The following RAB24 variants were observed in gnomAD, a reference collection of about 807,000 sequenced individuals.
RAB24 encodes the protein ras-related protein Rab-24.
A neutral mutation model predicts 31.4 loss-of-function variants in RAB24; 9 were observed. That is an observed-to-expected ratio of 0.29 (90% CI 0.17 to 0.50). RAB24 has a LOEUF of 0.50. Ranked by LOEUF, RAB24 falls within the 20% of genes least tolerant of loss-of-function variation. RAB24 has a pLI of 0.98. For synonymous variants in RAB24, 106 were observed against 94.1 expected (o/e 1.13, Z -0.73); for missense variants, 197 against 265.2 (o/e 0.74, Z 1.79).
Position 177,302,746 on chromosome 5 carries a change from C to CGGG in RAB24, c.265+5_265+6insCCC. Reference sequence around the variant, plus strand: ...GTGAGACAGCCCAAACCCCCCCCCCCCTTACCATAGCAGACGATGGCAGCC... The same window carrying CGGG: ...GTGAGACAGCCCAAACCCCCCCCCCCGGGCTTACCATAGCAGACGATGGCAGCC... On this transcript the variant is annotated splice_donor_region_variant and intron_variant, in intron 3 of 7. Transcript: ENST00000303251. 1 of 1,558,654 alleles carries CGGG rather than the reference C, an allele frequency of 6.4e-7. No homozygotes were observed. Among genetic ancestry groups the CGGG allele is most frequent in the Non-Finnish European group, 8.8e-7 (1 of 1,136,012 alleles).
Position 177,303,414 on chromosome 5 carries a change from TC to T in RAB24, c.-127del. 2.4e-6 allele frequency: 2 copies of T among 827,760 alleles called. No individual in the cohort carries two copies. Among genetic ancestry groups the T allele is most frequent in the Non-Finnish European group, 3.9e-6 (2 of 516,102 alleles). The allele number at this position is 827,760 out of a possible 1,614,324, so 51.3% of individuals were successfully genotyped here. A position where few individuals can be genotyped will look rare whatever the true frequency, so the allele number is the denominator to read the frequency against. Reference sequence around the variant, plus strand: ...ACCCCAAACGGCGCCAACCTACGACTCCAGACAGCGCGTCGGGCTCGAGCTC... The same window carrying T: ...ACCCCAAACGGCGCCAACCTACGACTCAGACAGCGCGTCGGGCTCGAGCTC... On this transcript the variant is annotated 5_prime_UTR_variant, in exon 1 of 8. Transcript: ENST00000303251. The surrounding 1 kb of genome is among the most constrained non-coding windows in gnomAD (Gnocchi z 6.1).
chr5:177,303,659 G>T lies in RAB24; in HGVS notation c.-371C>A. On this transcript the variant is annotated 5_prime_UTR_variant, in exon 1 of 8. Transcript: ENST00000303251. The surrounding 1 kb of genome is among the most constrained non-coding windows in gnomAD (Gnocchi z 6.1). ...TGGCTGGGAATCCCAACCGAACCTG[G>T]GGTCTCCCGCAACCCGGCTCCTACC... is the stretch of plus-strand genomic sequence containing the variant. 1 of 388,746 alleles carries T rather than the reference G, an allele frequency of 2.6e-6. No homozygotes were observed. The highest frequency in any genetic ancestry group is 4.6e-6 in the Non-Finnish European group (1 of 216,934). 24.1% of individuals were successfully genotyped at this position (388,746 alleles called of 1,614,324 possible). A position where few individuals can be genotyped will look rare whatever the true frequency, so the allele number is the denominator to read the frequency against.
In RAB24 at chr5:177,303,333, G is replaced by C. The variant is rs763946134; in HGVS notation, c.-45C>G. 6.3e-7 allele frequency: 1 copy of C among 1,587,588 alleles called. No homozygotes were observed. Among genetic ancestry groups the C allele is most frequent in the Non-Finnish European group, 8.6e-7 (1 of 1,158,006 alleles). ...CCACGTCAGGGTCCTGAGCGGGGACGGGAGGCAAACCCCGATCTCCGCTCG... is the reference window on the plus strand; with the variant it reads ...CCACGTCAGGGTCCTGAGCGGGGACCGGAGGCAAACCCCGATCTCCGCTCG... On this transcript the variant is annotated 5_prime_UTR_variant, in exon 1 of 8. Transcript: ENST00000303251. The surrounding 1 kb of genome is among the most constrained non-coding windows in gnomAD (Gnocchi z 6.1).
Position 177,301,591 on chromosome 5 carries a change from C to G in RAB24, c.*152G>C, listed in dbSNP as rs141145029. On this transcript the variant is annotated 3_prime_UTR_variant, in exon 8 of 8. Transcript: ENST00000303251. ...ATGCCCACAGTCAGCCCAATGCTGT[C>G]TCCGTTCCATGGGCCAGCACAGGCA... 9 of 837,974 alleles carry G rather than the reference C, an allele frequency of 1.1e-5. No individual in the cohort carries two copies. The highest frequency in any genetic ancestry group is 1.0e-4 in the African/African-American group (6 of 58,760). The allele number at this position is 837,974 out of a possible 1,614,324, so 51.9% of individuals were successfully genotyped here.
At chr5:177,302,009 A>T (rs773551940) in intron 6 of RAB24, 22 bp from the exon 7 acceptor site, 1 of 1,613,848 alleles carries the variant, frequency 6.2e-7, no homozygotes, top group Non-Finnish European at 8.5e-7. Context: ...AATGATGATC[A>T]GCGAGGGCCC....
Position 177,303,691 on chromosome 5 carries a change from G to A in RAB24, c.-403C>T, listed in dbSNP as rs936654323. 1.9e-5 allele frequency: 7 copies of A among 359,424 alleles called. No homozygotes were observed. The highest frequency in any genetic ancestry group is 4.3e-5 in the African/African-American group (2 of 46,354). 22.3% of individuals were successfully genotyped at this position (359,424 alleles called of 1,614,324 possible). ...CCGCAACCCGGCTCCTACCCGCAGC[G>A]CCGCGACTCCCGCGGGAGGGGGCTA... On this transcript the variant is annotated 5_prime_UTR_variant, in exon 1 of 8. Transcript: ENST00000303251. The surrounding 1 kb of genome is among the most constrained non-coding windows in gnomAD (Gnocchi z 6.1).
At position 177,301,782 on chromosome 5, in the gene RAB24, C is replaced by T. The variant is rs200046065; in HGVS notation, c.573G>A (p.Gln191=). 2 of 1,614,230 alleles carry T rather than the reference C, an allele frequency of 1.2e-6. No homozygotes were observed. Among genetic ancestry groups the T allele is most frequent in the East Asian group, 4.5e-5 (2 of 44,886 alleles). ...AGCTGTAGAAGTAGGGGTTTGGCTTCTGGCCCAGATCCACGCCCTTGTCCT... is the reference window on the plus strand; with the variant it reads ...AGCTGTAGAAGTAGGGGTTTGGCTTTTGGCCCAGATCCACGCCCTTGTCCT... ...MTEDKGVDLG[Q]KPNPYFYSCC... is the part of the protein sequence containing the mutation. The change falls in exon 8 of 8, where the codon CAG becomes CAA. Residue 191 remains glutamine, a synonymous_variant. Transcript: ENST00000303251.
At chr5:177,302,306 CTTGCCCTGG>C in intron 5 of RAB24, 82 bp downstream of exon 5, 1 of 1,564,020 alleles carries the variant, frequency 6.4e-7, no homozygotes, top group Non-Finnish European at 8.8e-7. Context: ...CCTAGAGCAC[CTTGCCCTGG>C]CAGCCAAGGC....
Position 177,303,085 on chromosome 5 carries a change from G to C in RAB24, c.118-8C>G, listed in dbSNP as rs370347618. 2.6e-5 allele frequency: 42 copies of C among 1,613,918 alleles called. No homozygotes were observed. Among genetic ancestry groups the C allele is most frequent in the Non-Finnish European group, 3.4e-5 (40 of 1,180,032 alleles). On this transcript the variant is annotated splice_polypyrimidine_tract_variant and splice_region_variant and intron_variant, in intron 1 of 7. Transcript: ENST00000303251. The surrounding 1 kb of genome is among the most constrained non-coding windows in gnomAD (Gnocchi z 6.1). ...GAAGGCGGCCCCGATGGTCTGCAACGAGAGGGAAGAGATCGGGGCCATAGG... is the reference window on the plus strand; with the variant it reads ...GAAGGCGGCCCCGATGGTCTGCAACCAGAGGGAAGAGATCGGGGCCATAGG...
At position 177,303,399 on chromosome 5, in the gene RAB24, G is replaced by T. The variant is rs1760754622; in HGVS notation, c.-111C>A. ...AAGCCTCAGACCCCGACCCCAAACG[G>T]CGCCAACCTACGACTCCAGACAGCG... is the stretch of plus-strand genomic sequence containing the variant. On this transcript the variant is annotated 5_prime_UTR_variant, in exon 1 of 8. Coordinates refer to ENST00000303251, the MANE Select transcript of RAB24 (RefSeq NM_001031677.4). The surrounding 1 kb of genome is among the most constrained non-coding windows in gnomAD (Gnocchi z 6.1). 3.8e-5 allele frequency: 39 copies of T among 1,031,586 alleles called. 1 individual carries two copies. The South Asian group carries it at 5.4e-4, about 14-fold the overall frequency. The allele number at this position is 1,031,586 out of a possible 1,614,324, so 63.9% of individuals were successfully genotyped here. A position where few individuals can be genotyped will look rare whatever the true frequency, so the allele number is the denominator to read the frequency against.
Position 177,303,707 on chromosome 5 carries a change from GA to G in RAB24, c.-420del, listed in dbSNP as rs557515506. 97 of 357,494 alleles carry G rather than the reference GA, an allele frequency of 2.7e-4. No homozygotes were observed. The highest frequency in any genetic ancestry group is 1.9e-3 in the African/African-American group (89 of 46,526). The allele number at this position is 357,494 out of a possible 1,614,324, so 22.1% of individuals were successfully genotyped here. On this transcript the variant is annotated 5_prime_UTR_variant, in exon 1 of 8. Coordinates refer to ENST00000303251, the MANE Select transcript of RAB24 (RefSeq NM_001031677.4). This position sits in a 1 kb window ranked among gnomAD's most constrained non-coding sequence, Gnocchi z 6.1. ...ACCCGCAGCGCCGCGACTCCCGCGG[GA>G]GGGGGCTAGAGGGCGAGGGGGCGGG...
chr5:177,303,583 T>A lies in RAB24; in HGVS notation c.-295A>T. 1 of 510,622 alleles carries A rather than the reference T, an allele frequency of 2.0e-6. No homozygotes were observed. The highest frequency in any genetic ancestry group is 3.5e-6 in the Non-Finnish European group (1 of 285,834). The allele number at this position is 510,622 out of a possible 1,614,324, so 31.6% of individuals were successfully genotyped here. ...TCCTCAACAGCGCAGCACGCCGCCG[T>A]GCAGCTCGCTACTCCGTCATTCGCT... On this transcript the variant is annotated 5_prime_UTR_variant, in exon 1 of 8. Coordinates refer to ENST00000303251, the MANE Select transcript of RAB24 (RefSeq NM_001031677.4). The surrounding 1 kb of genome is among the most constrained non-coding windows in gnomAD (Gnocchi z 6.1).
rs928153323 is a variant in RAB24 at position 177,303,480 on chromosome 5, C to T, written c.-192G>A. ...CACTTCGGCAGCGCCCCGTGTGCCC[C>T]CGCTGTTCGGCCCCGGGCGCCGATT... is the stretch of plus-strand genomic sequence containing the variant. On this transcript the variant is annotated 5_prime_UTR_variant, in exon 1 of 8. Transcript: ENST00000303251. The surrounding 1 kb of genome is among the most constrained non-coding windows in gnomAD (Gnocchi z 6.1). The T allele has an allele frequency of 8.1e-6, 5 of 614,276 alleles. No homozygotes were observed. The highest frequency in any genetic ancestry group is 1.4e-5 in the Non-Finnish European group (5 of 349,242). 38.1% of individuals were successfully genotyped at this position (614,276 alleles called of 1,614,324 possible). A position where few individuals can be genotyped will look rare whatever the true frequency, so the allele number is the denominator to read the frequency against.
At chr5:177,302,728 A>T in intron 3 of RAB24, 24 bp downstream of exon 3, 3 of 1,544,458 alleles carry the variant, frequency 1.9e-6, no homozygotes, top group Non-Finnish European at 1.8e-6. Flanking sequence ...CTTGTGAGAC[A>T]GCCCAAACCC....
rs139262396 is a variant in RAB24, at chr5:177,301,317, GA to G, written c.*425del. The stretch of plus-strand genomic sequence containing the variant: ...CCAGTATCTCAGCGGTAACCATGGG[GA>G]AAAAAGTCTTGTTTTCCAAAGGAAA... On this transcript the variant is annotated 3_prime_UTR_variant, in exon 8 of 8. Coordinates refer to ENST00000303251, the MANE Select transcript of RAB24 (RefSeq NM_001031677.4). 6.6e-3 allele frequency: 1,308 copies of G among 199,244 alleles called. 18 individuals carry two copies. Among genetic ancestry groups the G allele is most frequent in the African/African-American group, 0.029 (1,241 of 42,552 alleles). The allele number at this position is 199,244 out of a possible 1,614,324, so 12.3% of individuals were successfully genotyped here. A position where few individuals can be genotyped will look rare whatever the true frequency, so the allele number is the denominator to read the frequency against.
In RAB24 at chr5:177,303,066, G is replaced by A. The variant is rs772321352; in HGVS notation, c.129C>T (p.Ala43=). 1.2e-6 allele frequency: 2 copies of A among 1,614,066 alleles called. No homozygotes were observed. Among genetic ancestry groups the A allele is most frequent in the Non-Finnish European group, 1.7e-6 (2 of 1,180,030 alleles). ...LVGPYQNTIG[A]AFVAKVMSVG... is the part of the protein sequence containing the mutation. ...CCGACATCACCTTGGCCACGAAGGC[G>A]GCCCCGATGGTCTGCAACGAGAGGG... is the stretch of plus-strand genomic sequence containing the variant. Residue 43 remains alanine (A), a synonymous_variant, in exon 2 of 8, where the codon GCC becomes GCT. Coordinates refer to ENST00000303251, the MANE Select transcript of RAB24 (RefSeq NM_001031677.4). This position sits in a 1 kb window ranked among gnomAD's most constrained non-coding sequence, Gnocchi z 6.1.
rs2127296082 is a variant in RAB24, at chr5:177,301,642, C to G, written c.*101G>C. ...GGCGCCACTCTGCTGACATGAGGACCTGGGGTAGCTCAGACATTTGACTAC... is the reference window on the plus strand; with the variant it reads ...GGCGCCACTCTGCTGACATGAGGACGTGGGGTAGCTCAGACATTTGACTAC... On this transcript the variant is annotated 3_prime_UTR_variant, in exon 8 of 8. Coordinates refer to ENST00000303251, the MANE Select transcript of RAB24 (RefSeq NM_001031677.4). 7.3e-7 allele frequency: 1 copy of G among 1,362,076 alleles called. No homozygotes were observed. Among genetic ancestry groups the G allele is most frequent in the Admixed American group, 1.7e-5 (1 of 57,418 alleles). The allele number at this position is 1,362,076 out of a possible 1,614,324, so 84.4% of individuals were successfully genotyped here.
chr5:177,301,768 T>C lies in RAB24; in HGVS notation c.587A>G (p.Tyr196Cys), dbSNP rs1760660837. The change falls in exon 8 of 8, where the codon TAC (tyrosine) becomes TGC (cysteine). Residue 196 changes from tyrosine (Y) to cysteine (C), a missense_variant. Around this residue, in one of 2 missense-constraint regions of RAB24, gnomAD observed 148 missense variants for 159.7 expected, o/e 0.93. Transcript: ENST00000303251. The stretch of plus-strand genomic sequence containing the variant: ...TCAGTGATGACAACAGCTGTAGAAG[T>C]AGGGGTTTGGCTTCTGGCCCAGATC... Reference protein sequence around the residue: ...GVDLGQKPNPYFYSCCHH With the variant: ...GVDLGQKPNPCFYSCCHH 6.2e-7 allele frequency: 1 copy of C among 1,614,196 alleles called. No individual in the cohort carries two copies. The highest frequency in any genetic ancestry group is 8.5e-7 in the Non-Finnish European group (1 of 1,180,016).
Position 177,302,735 on chromosome 5 carries a change from A to G in RAB24, c.265+17T>C. On this transcript the variant is annotated intron_variant, in intron 3 of 7. Coordinates refer to ENST00000303251, the MANE Select transcript of RAB24 (RefSeq NM_001031677.4). Reference sequence around the variant, plus strand: ...CATCTTTTCTTGTGAGACAGCCCAAACCCCCCCCCCCCTTACCATAGCAGA... The same window carrying G: ...CATCTTTTCTTGTGAGACAGCCCAAGCCCCCCCCCCCCTTACCATAGCAGA... 1 of 1,391,692 alleles carries G rather than the reference A, an allele frequency of 7.2e-7. No individual in the cohort carries two copies. The highest frequency in any genetic ancestry group is 1.0e-6 in the Non-Finnish European group (1 of 998,784). The allele number at this position is 1,391,692 out of a possible 1,614,324, so 86.2% of individuals were successfully genotyped here. A position where few individuals can be genotyped will look rare whatever the true frequency, so the allele number is the denominator to read the frequency against.
Sources: gnomAD v4.1 joint callset for allele counts on GRCh38, gnomAD v4.1.1 for gene constraint, gnomAD v4.1.1 regional missense constraint, Gnocchi (gnomAD v3.1) non-coding constraint, MANE v1.5 for transcripts, NCBI Gene and HGNC (gene_info 2026-07-23, HGNC 2026-07-21) for gene names.